The following MARK1 variants were observed in gnomAD, a reference collection of about 807,000 sequenced individuals.
MARK1 encodes microtubule affinity regulating kinase 1, also known as serine/threonine-protein kinase MARK1.
In MARK1, 40 loss-of-function variants were observed where a neutral mutation model predicts 96.3. That is an observed-to-expected ratio of 0.42 (90% CI 0.32 to 0.54). The LOEUF (loss-of-function observed/expected upper bound fraction) is 0.54, where lower values mean the gene tolerates loss of function less well. Among genes scored for constraint, MARK1 ranks in the 20% least tolerant of loss-of-function variants. The probability of loss-of-function intolerance (pLI) is 0.16; values close to 1 mark genes in which losing one functional copy is unlikely to be tolerated. For synonymous variants in MARK1, 317 were observed against 341.2 expected (o/e 0.93, Z 0.78); for missense variants, 719 against 984.6 (o/e 0.73, Z 3.61).
intron 9 of MARK1, chr1:220,626,725 G>A (rs1667363135): frequency 3.0e-6 from 1 of 335,292 alleles, no homozygotes; most frequent in African/African-American, 2.2e-5. Flanking sequence ...GGGAGGCTGA[G>A]TCATGAGAAT....
At chr1:220,556,521 C>T (rs1662276489) in intron 1 of MARK1, among the ~76,000 whole-genome samples, 1 of 137,282 alleles carries the variant, frequency 7.3e-6, no homozygotes, top group Admixed American at 7.4e-5. Context: ...TTACAGATTT[C>T]ATGAGGAAAC....
rs1668759574 is a variant in MARK1 at position 220,649,531 on chromosome 1, C to T, written c.1471-1089C>T. Among the ~76,000 whole-genome samples, 5 of 152,156 alleles carry T rather than the reference C, an allele frequency of 3.3e-5. No homozygotes were observed. In the South Asian group the frequency reaches 1.0e-3, roughly 32 times the overall value. On this transcript the variant is annotated intron_variant, in intron 13 of 17. Coordinates refer to ENST00000366917, the MANE Select transcript of MARK1 (RefSeq NM_018650.5). ...GGCATGAGCCATCACAATTGGCCTA[C>T]ATGTTCCAAGTCTTACCTAAACATT...
chr1:220,618,295 T>C lies in MARK1; in HGVS notation c.553-15T>C. On this transcript the variant is annotated splice_polypyrimidine_tract_variant and intron_variant, in intron 7 of 17. Coordinates refer to ENST00000366917, the MANE Select transcript of MARK1 (RefSeq NM_018650.5). The surrounding 1 kb of genome is among the most constrained non-coding windows in gnomAD (Gnocchi z 4.6). ...TAGGCTTTTTACATTGTTCTTTCTA[T>C]TATTTTCCTCTTAGGCTGAAAACCT... is the stretch of plus-strand genomic sequence containing the variant. The C allele has an allele frequency of 6.7e-7, 1 of 1,483,984 alleles. No homozygotes were observed. Among genetic ancestry groups the C allele is most frequent in the Non-Finnish European group, 9.4e-7 (1 of 1,062,968 alleles). 91.9% of individuals were successfully genotyped at this position (1,483,984 alleles called of 1,614,324 possible).
intron 6 of MARK1, among the ~76,000 whole-genome samples, chr1:220,604,746 A>G (rs1331848685): frequency 6.6e-6 from 1 of 151,976 alleles, no homozygotes; most frequent in Non-Finnish European, 1.5e-5. Flanking sequence ...TTTATTTTTA[A>G]TTTTTAGAAC....
At position 220,654,134 on chromosome 1, in the gene MARK1, AAAC is replaced by A. The variant is rs1318828658; in HGVS notation, c.1988+786_1988+788del. 6.6e-6 allele frequency among the ~76,000 whole-genome samples: 1 copy of A among 152,204 alleles called. No individual in the cohort carries two copies. The highest frequency in any genetic ancestry group is 6.5e-5 in the Admixed American group (1 of 15,282). ...TCTTATAGTCTTGTAAGAAGCAGAC[AAAC>A]AACTAGCCATGATATAAAGCAGAAC... is the stretch of plus-strand genomic sequence containing the variant. On this transcript the variant is annotated intron_variant, in intron 16 of 17. Transcript: ENST00000366917. The surrounding 1 kb of genome is among the most constrained non-coding windows in gnomAD (Gnocchi z 4.0).
intron 6 of MARK1, among the ~76,000 whole-genome samples, chr1:220,614,456 T>C (rs1228174958): frequency 6.6e-6 from 1 of 152,116 alleles, no homozygotes; most frequent in African/African-American, 2.4e-5. Context: ...AATTATTCTT[T>C]ATTTTTTATG....
At chr1:220,626,064 ACAGTT>A (rs895885122) in intron 9 of MARK1, 2 of 581,506 alleles carry the variant, frequency 3.4e-6, no homozygotes, top group African/African-American at 3.7e-5. Context: ...TTGAATTCTT[ACAGTT>A]GTCTACTGGT....
At chr1:220,637,810 A>G (rs1056398837) in intron 13 of MARK1, among the ~76,000 whole-genome samples, 7 of 152,090 alleles carry the variant, frequency 4.6e-5, no homozygotes, top group African/African-American at 1.7e-4. Flanking sequence ...GAAAAAAAAA[A>G]AAACCTCAGC....
chr1:220,620,931 C>A (rs1667023501), intron 9 of MARK1, among the ~76,000 whole-genome samples: 1 of 152,200 alleles, frequency 6.6e-6, no homozygotes, highest in African/African-American at 2.4e-5. Context: ...TTATACCATA[C>A]CTTAAGAAAC....
intron 1 of MARK1, among the ~76,000 whole-genome samples, chr1:220,557,522 G>A (rs1032696817): frequency 3.3e-5 from 5 of 151,960 alleles, no homozygotes; most frequent in South Asian, 2.1e-4. Flanking sequence ...TTACACCACC[G>A]CACTCCAACC....
intron 16 of MARK1, 78 bp from the exon 17 acceptor site, chr1:220,657,711 TA>T: frequency 9.4e-7 from 1 of 1,060,168 alleles, no homozygotes. Context: ...AAGCTAATTT[TA>T]AAATAATTTT....
intron 5 of MARK1, among the ~76,000 whole-genome samples, chr1:220,601,073 G>A (rs1309671647): frequency 1.3e-5 from 2 of 151,346 alleles, no homozygotes; most frequent in Admixed American, 6.6e-5. Flanking sequence ...GCCTGCCACC[G>A]TGCCCGGCTA....
Position 220,661,894 on chromosome 1 carries a change from A to T in MARK1, c.2116A>T (p.Met706Leu). ...GCGTTCTTTGCGGTTCACATGGAGT[A>T]TGAAGACCACTAGTTCAATGGACCC... is the stretch of plus-strand genomic sequence containing the variant. ...KPRSLRFTWS[M>L]KTTSSMDPND... Residue 706 changes from methionine (M) to leucine (L), a missense_variant, in exon 18 of 18, where the codon ATG becomes TTG. Around this residue, in one of 4 missense-constraint regions of MARK1, gnomAD observed 501 missense variants for 588.3 expected, o/e 0.85. Transcript: ENST00000366917. 1 of 1,614,242 alleles carries T rather than the reference A, an allele frequency of 6.2e-7. No individual in the cohort carries two copies. Among genetic ancestry groups the T allele is most frequent in the Non-Finnish European group, 8.5e-7 (1 of 1,180,042 alleles).
chr1:220,536,339 T>G (rs917680677), intron 1 of MARK1, among the ~76,000 whole-genome samples: 1 of 152,060 alleles, frequency 6.6e-6, no homozygotes, highest in Non-Finnish European at 1.5e-5. Flanking sequence ...CTTGTCTTGT[T>G]CTTGGTCTTA....
intron 9 of MARK1, among the ~76,000 whole-genome samples, chr1:220,625,442 T>C (rs1394583560): frequency 6.6e-6 from 1 of 152,152 alleles, no homozygotes; most frequent in Non-Finnish European, 1.5e-5. Flanking sequence ...GTGGTGGAGA[T>C]ACATGATTAA....
intron 9 of MARK1, among the ~76,000 whole-genome samples, chr1:220,629,328 A>G (rs928019399): frequency 6.6e-6 from 1 of 151,074 alleles, no homozygotes; most frequent in Non-Finnish European, 1.5e-5. Context: ...GACCATGAGT[A>G]TAGTAAATTC....
intron 13 of MARK1, among the ~76,000 whole-genome samples, chr1:220,638,164 A>G (rs1668075744): frequency 6.7e-6 from 1 of 150,196 alleles, no homozygotes; most frequent in Admixed American, 6.6e-5. Context: ...GCCTTAGAGG[A>G]CAGTTTCCAG....
chr1:220,626,946 A>G, intron 9 of MARK1: 2 of 505,920 alleles, frequency 4.0e-6, no homozygotes, highest in South Asian at 3.2e-5. Flanking sequence ...TGCTGGACAT[A>G]TGAGACAGGT....
chr1:220,625,094 T>C (rs1667253356), intron 9 of MARK1, among the ~76,000 whole-genome samples: 1 of 152,258 alleles, frequency 6.6e-6, no homozygotes, highest in African/African-American at 2.4e-5. Context: ...AGCAACATTA[T>C]TTTAAAACAC....
Sources: gnomAD v4.1 joint callset for allele counts (sites outside exome capture counted in the v4.1 genomes callset) on GRCh38, gnomAD v4.1.1 for gene constraint, gnomAD v4.1.1 regional missense constraint, Gnocchi (gnomAD v3.1) non-coding constraint, MANE v1.5 for transcripts, NCBI Gene and HGNC (gene_info 2026-07-23, HGNC 2026-07-21) for gene names.